CSMD3: variants seen among roughly 807,000 people sequenced by gnomAD.
The protein encoded by CSMD3 is CUB and sushi domain-containing protein 3.
A neutral mutation model predicts 435.2 loss-of-function variants in CSMD3; 177 were observed. The observed-to-expected ratio is 0.41, with a 90% CI of 0.36 to 0.46. The LOEUF (loss-of-function observed/expected upper bound fraction) is 0.46. Ranked by LOEUF, CSMD3 falls within the 20% of genes least tolerant of loss-of-function variation. The probability of loss-of-function intolerance (pLI) is 0.34; values close to 1 mark genes in which losing one functional copy is unlikely to be tolerated. For missense variants in CSMD3, 4,265 were observed against 4,504.6 expected (o/e 0.95, Z 1.52); for synonymous variants, 1,656 against 1,520.5 (o/e 1.09, Z -2.07).
intron 7 of CSMD3, among the ~76,000 whole-genome samples, chr8:112,965,372 C>T (rs925932341): frequency 4.6e-5 from 7 of 151,726 alleles, no homozygotes; most frequent in African/African-American, 1.7e-4. Context: ...TCCTTATTTA[C>T]TCATTCTATT....
chr8:112,891,471 T>C (rs1321573005), intron 10 of CSMD3, among the ~76,000 whole-genome samples: 2 of 149,226 alleles, frequency 1.3e-5, no homozygotes, highest in African/African-American at 5.1e-5. Flanking sequence ...GGGCAGATGT[T>C]TTTTGGAGAC....
At chr8:112,479,876 C>T (rs1021613582) in intron 31 of CSMD3, among the ~76,000 whole-genome samples, 1 of 152,194 alleles carries the variant, frequency 6.6e-6, no homozygotes, top group Non-Finnish European at 1.5e-5. Flanking sequence ...AGAACCCACA[C>T]AAAGTCCCCA....
At chr8:112,704,513 C>G (rs2076457357) in intron 13 of CSMD3, among the ~76,000 whole-genome samples, 2 of 151,988 alleles carry the variant, frequency 1.3e-5, no homozygotes, top group African/African-American at 4.8e-5. Context: ...AAGGAGTTTG[C>G]CAGTCTTCAT....
At chr8:112,930,075 A>G (rs143197719) in intron 9 of CSMD3, among the ~76,000 whole-genome samples, 1 of 152,260 alleles carries the variant, frequency 6.6e-6, no homozygotes, top group East Asian at 1.9e-4. Context: ...TAAATGAAAT[A>G]ATTTAATGCT....
chr8:112,305,579 A>G (rs1051384692), intron 51 of CSMD3, among the ~76,000 whole-genome samples: 11 of 152,178 alleles, frequency 7.2e-5, no homozygotes, highest in African/African-American at 2.7e-4. Context: ...GTAAGTAAAC[A>G]GAAGAATATC....
At chr8:112,386,777 G>T (rs990692195) in intron 36 of CSMD3, among the ~76,000 whole-genome samples, 2 of 152,130 alleles carry the variant, frequency 1.3e-5, no homozygotes, top group East Asian at 3.9e-4. Context: ...GATTACAGGC[G>T]TGAGCCACCG....
intron 11 of CSMD3, among the ~76,000 whole-genome samples, chr8:112,830,212 G>A (rs2079829476): frequency 6.6e-6 from 1 of 152,134 alleles, no homozygotes; most frequent in Non-Finnish European, 1.5e-5. Flanking sequence ...TTAACATGCA[G>A]AAACAGAGTG....
In CSMD3 at chr8:112,864,194, A is replaced by G. The variant is rs2080909130; in HGVS notation, c.1634-4928T>C. 4.6e-5 allele frequency among the ~76,000 whole-genome samples: 7 copies of G among 152,254 alleles called. 1 individual carries two copies. The South Asian group carries it at 1.4e-3, about 31-fold the overall frequency. On this transcript the variant is annotated intron_variant, in intron 10 of 70. Coordinates refer to ENST00000297405, the MANE Select transcript of CSMD3 (RefSeq NM_198123.2). ...TTCCTATATTTTGGTTTTAAAATATATAACTCATATAAAAATGTATAGGTT... is the reference window on the plus strand; with the variant it reads ...TTCCTATATTTTGGTTTTAAAATATGTAACTCATATAAAAATGTATAGGTT...
chr8:113,038,065 C>G (rs2087435651), intron 5 of CSMD3, among the ~76,000 whole-genome samples: 1 of 152,014 alleles, frequency 6.6e-6, no homozygotes, highest in African/African-American at 2.4e-5. Context: ...AAAAGGAAGC[C>G]AGAGGGCAAC....
intron 10 of CSMD3, among the ~76,000 whole-genome samples, chr8:112,921,285 T>A (rs2082736517): frequency 6.6e-6 from 1 of 151,950 alleles, no homozygotes; most frequent in Non-Finnish European, 1.5e-5. Context: ...AATGGCAAAC[T>A]ATGCAAGTGG....
At chr8:112,944,707 A>T (rs13252109) in intron 9 of CSMD3, among the ~76,000 whole-genome samples, 64,813 of 150,782 alleles carry the variant, frequency 0.43, 14,047 homozygotes, top group East Asian at 0.52. Context: ...TCCGTGCTCA[A>T]TTTTTCAACA....
chr8:112,790,630 T>G (rs556953016), intron 13 of CSMD3, among the ~76,000 whole-genome samples: 1 of 152,224 alleles, frequency 6.6e-6, no homozygotes, highest in East Asian at 1.9e-4. Context: ...CTATTATATC[T>G]TTGACATTCT....
At chr8:112,686,879 T>C (rs1228836992) in intron 14 of CSMD3, among the ~76,000 whole-genome samples, 1 of 152,100 alleles carries the variant, frequency 6.6e-6, no homozygotes, top group African/African-American at 2.4e-5. Flanking sequence ...TCAAGTCGAG[T>C]TTTTAAGCAA....
intron 4 of CSMD3, among the ~76,000 whole-genome samples, chr8:113,112,386 C>CAT (rs56256676): frequency 9.3e-5 from 7 of 74,936 alleles, no homozygotes; most frequent in East Asian, 4.4e-4. Flanking sequence ...CCCAATAAAA[C>CAT]ATATATATAT....
intron 32 of CSMD3, among the ~76,000 whole-genome samples, chr8:112,444,885 T>C (rs1051986331): frequency 2.0e-5 from 3 of 152,142 alleles, no homozygotes; most frequent in Non-Finnish European, 2.9e-5. Context: ...TAAAAATGTA[T>C]GATTGAAATG....
At chr8:112,754,091 G>T (rs1008052081) in intron 13 of CSMD3, among the ~76,000 whole-genome samples, 1 of 152,184 alleles carries the variant, frequency 6.6e-6, no homozygotes, top group Non-Finnish European at 1.5e-5. Context: ...AAAGTGGCCA[G>T]ACCTGAGCAA....
chr8:112,291,601 A>G lies in CSMD3; in HGVS notation c.8883T>C (p.Tyr2961=), dbSNP rs1251552848. 1 of 1,610,930 alleles carries G rather than the reference A, an allele frequency of 6.2e-7. No homozygotes were observed. The highest frequency in any genetic ancestry group is 2.2e-5 in the East Asian group (1 of 44,710). ...ATAAAAAATATCCAGGATTGCAGTCATAGAATACCACAGTGCCGTAAGTAA... is the reference window on the plus strand; with the variant it reads ...ATAAAAAATATCCAGGATTGCAGTCGTAGAATACCACAGTGCCGTAAGTAA... The part of the protein sequence containing the change: ...GNFTYGTVVF[Y]DCNPGYFLFG... The change falls in exon 56 of 71, where the codon TAT becomes TAC. Residue 2961 remains tyrosine (Y), a synonymous_variant. Coordinates refer to ENST00000297405, the MANE Select transcript of CSMD3 (RefSeq NM_198123.2).
chr8:112,847,770 C>T (rs1286057817), intron 11 of CSMD3, among the ~76,000 whole-genome samples: 6 of 152,052 alleles, frequency 3.9e-5, no homozygotes, highest in Non-Finnish European at 7.4e-5. Context: ...AAAAGGCTAT[C>T]TCTAAAGATG....
chr8:113,107,854 T>G (rs1459799376), intron 4 of CSMD3, among the ~76,000 whole-genome samples: 1 of 152,192 alleles, frequency 6.6e-6, no homozygotes, highest in African/African-American at 2.4e-5. Flanking sequence ...TTATGTCCCT[T>G]TTTGTTCATA....
Sources: allele counts gnomAD v4.1 joint callset (sites outside exome capture counted in the v4.1 genomes callset), GRCh38; gene constraint gnomAD v4.1.1; transcripts MANE v1.5; gene names NCBI Gene and HGNC (gene_info 2026-07-23, HGNC 2026-07-21).